KDM6A: variants seen among roughly 807,000 people sequenced by gnomAD.
The protein encoded by KDM6A is lysine demethylase 6A, also known as lysine-specific demethylase 6A.
In KDM6A, 11 loss-of-function variants were observed where a neutral mutation model predicts 117.6. The ratio of observed to expected loss-of-function variants is 0.09; its 90% confidence interval spans 0.06 to 0.15. KDM6A has a LOEUF of 0.15. KDM6A is among the 10% of genes least tolerant of loss of function. The pLI, the probability that KDM6A is intolerant of heterozygous loss-of-function variation, is 1.00. For synonymous variants in KDM6A, 384 were observed against 396.1 expected (o/e 0.97, Z 0.36); for missense variants, 799 against 1,077.3 (o/e 0.74, Z 3.62).
chrX:44,958,000 A>C (rs985208338), intron 2 of KDM6A, among the ~76,000 whole-genome samples: 11 of 111,032 alleles, frequency 9.9e-5, no homozygotes, highest in Non-Finnish European at 1.7e-4. Context: ...CTCAATAACC[A>C]CATGTGTCTA....
chrX:45,095,975 C>T (rs2046087518), intron 27 of KDM6A, among the ~76,000 whole-genome samples: 1 of 112,014 alleles, frequency 8.9e-6, no homozygotes, highest in Non-Finnish European at 1.9e-5. Flanking sequence ...ATTTTTACCA[C>T]TCCATTTGCT....
chrX:44,913,150 G>A lies in KDM6A; in HGVS notation c.225+39163G>A, dbSNP rs890401542. Among the ~76,000 whole-genome samples the A allele has an allele frequency of 2.2e-4, 25 of 111,797 alleles. No individual in the cohort carries two copies. In the Admixed American group the frequency reaches 2.4e-3, roughly 11 times the overall value. Reference sequence around the variant, plus strand: ...TCCTCCTCTTCAAAATGGAGATGACGATGATGAAGACCTTTATGGTGATCC... The same window carrying A: ...TCCTCCTCTTCAAAATGGAGATGACAATGATGAAGACCTTTATGGTGATCC... On this transcript the variant is annotated intron_variant, in intron 2 of 29. Coordinates refer to ENST00000611820, the MANE Select transcript of KDM6A (RefSeq NM_001291415.2).
At chrX:44,987,245 T>G (rs1191297237) in intron 4 of KDM6A, among the ~76,000 whole-genome samples, 1 of 111,601 alleles carries the variant, frequency 9.0e-6, no homozygotes, top group Non-Finnish European at 1.9e-5. Context: ...CCTTTTTTTG[T>G]TTTCCATTTG....
At chrX:45,039,252 CTA>C (rs1048682715) in intron 8 of KDM6A, among the ~76,000 whole-genome samples, 95 of 109,384 alleles carry the variant, frequency 8.7e-4, no homozygotes, top group Middle Eastern at 4.6e-3. Context: ...ACCCCATACT[CTA>C]GTTTTTCTAG....
Position 44,978,352 on chromosome X carries a change from A to G in KDM6A, c.384+3637A>G, listed in dbSNP as rs147708531. Among the ~76,000 whole-genome samples, 20 of 112,186 alleles carry G rather than the reference A, an allele frequency of 1.8e-4. No homozygotes were observed. In the East Asian group the frequency reaches 5.6e-3, roughly 31 times the overall value. ...GAGATGTTGCCTTAATTGTATACTA[A>G]ATATTCATATGCAGTTTTGTCTGTG... On this transcript the variant is annotated intron_variant, in intron 4 of 29. Coordinates refer to ENST00000611820, the MANE Select transcript of KDM6A (RefSeq NM_001291415.2).
chrX:45,063,822 TAGG>T lies in KDM6A; in HGVS notation c.2079+10_2079+12del, dbSNP rs1177394697. ...CAACTATCTAACTCCACTCAGGTAA[TAGG>T]AGGACTAGCTTCCTTGTTGGCTTTT... is the stretch of plus-strand genomic sequence containing the variant. On this transcript the variant is annotated splice_donor_region_variant and intron_variant, in intron 17 of 29. Transcript: ENST00000611820. 2 of 1,182,452 alleles carry T rather than the reference TAGG, an allele frequency of 1.7e-6. No individual in the cohort carries two copies. Among genetic ancestry groups the T allele is most frequent in the Admixed American group, 4.7e-5 (2 of 42,848 alleles).
chrX:44,873,478 G>A lies in KDM6A; in HGVS notation c.-74G>A. 5.0e-6 allele frequency: 6 copies of A among 1,188,216 alleles called. No homozygotes were observed. Among genetic ancestry groups the A allele is most frequent in the Non-Finnish European group, 6.8e-6 (6 of 876,563 alleles). On this transcript the variant is annotated 5_prime_UTR_variant, in exon 1 of 30. Coordinates refer to ENST00000611820, the MANE Select transcript of KDM6A (RefSeq NM_001291415.2). ...AGTTGGTGTGCTGGTCCCGCGCGCA[G>A]ATTGGGGGCGTCACTGCGGGCCCCG...
At chrX:44,918,746 A>G (rs945859626) in intron 2 of KDM6A, among the ~76,000 whole-genome samples, 1 of 111,801 alleles carries the variant, frequency 8.9e-6, no homozygotes, top group Non-Finnish European at 1.9e-5. Context: ...TTGTAAGGAA[A>G]TACAGTTGAA....
intron 2 of KDM6A, among the ~76,000 whole-genome samples, chrX:44,880,562 G>A (rs1438705481): frequency 1.8e-5 from 2 of 108,476 alleles, no homozygotes; most frequent in African/African-American, 3.4e-5. Context: ...AGACTGAGGC[G>A]GATGGATCAA....
intron 4 of KDM6A, among the ~76,000 whole-genome samples, chrX:44,987,066 A>C (rs904105576): frequency 1.8e-5 from 2 of 111,354 alleles, no homozygotes; most frequent in African/African-American, 6.5e-5. Flanking sequence ...GTAGGTCTCT[A>C]AGGACTTGCT....
chrX:45,022,813 T>G (rs1335041351), intron 6 of KDM6A, among the ~76,000 whole-genome samples: 1 of 111,797 alleles, frequency 8.9e-6, no homozygotes, highest in Non-Finnish European at 1.9e-5. Context: ...GTTAAAATAA[T>G]AAAAAATATG....
At chrX:44,883,429 G>A (rs2032509085) in intron 2 of KDM6A, among the ~76,000 whole-genome samples, 1 of 110,093 alleles carries the variant, frequency 9.1e-6, no homozygotes, top group South Asian at 3.9e-4. Flanking sequence ...CTGGAGTGCA[G>A]TGGTGTGATC....
chrX:44,993,552 T>G (rs775138113), intron 4 of KDM6A, among the ~76,000 whole-genome samples: 16 of 110,820 alleles, frequency 1.4e-4, no homozygotes, highest in Non-Finnish European at 2.5e-4. Flanking sequence ...CTGGATAGTT[T>G]TAAAAAGTTG....
At chrX:44,898,369 G>C (rs992008818) in intron 2 of KDM6A, among the ~76,000 whole-genome samples, 2 of 111,890 alleles carry the variant, frequency 1.8e-5, no homozygotes, top group Non-Finnish European at 3.8e-5. Flanking sequence ...TGGAGGTTCA[G>C]CTCTTCACTG....
intron 2 of KDM6A, among the ~76,000 whole-genome samples, chrX:44,897,630 G>A (rs1467821868): frequency 1.8e-5 from 2 of 111,590 alleles, no homozygotes; most frequent in African/African-American, 6.5e-5. Flanking sequence ...GTGCAGTGAT[G>A]TGATCATAGC....
rs1010465212 is a variant in KDM6A at position 44,894,029 on chromosome X, C to T, written c.225+20042C>T. Reference sequence around the variant, plus strand: ...CTTCTTTGTGTACATTGTTGGATTACATTTGCTAATATTTTGTTGAGAATT... The same window carrying T: ...CTTCTTTGTGTACATTGTTGGATTATATTTGCTAATATTTTGTTGAGAATT... On this transcript the variant is annotated intron_variant, in intron 2 of 29. Coordinates refer to ENST00000611820, the MANE Select transcript of KDM6A (RefSeq NM_001291415.2). Among the ~76,000 whole-genome samples the T allele has an allele frequency of 2.7e-5, 3 of 111,753 alleles. No homozygotes were observed. In the East Asian group the frequency reaches 8.4e-4, roughly 31 times the overall value.
At chrX:44,977,439 TG>T (rs2039670998) in intron 4 of KDM6A, among the ~76,000 whole-genome samples, 1 of 110,613 alleles carries the variant, frequency 9.0e-6, no homozygotes, top group African/African-American at 3.3e-5. Flanking sequence ...GTTTTTTTTT[TG>T]CAGAAATAGA....
chrX:45,044,047 G>A (rs771319557), intron 8 of KDM6A, among the ~76,000 whole-genome samples: 10 of 111,815 alleles, frequency 8.9e-5, no homozygotes, highest in Non-Finnish European at 1.7e-4. Flanking sequence ...ATGCTGTACA[G>A]GTTTGTAGTC....
At chrX:44,904,667 C>CACTGT (rs1478351654) in intron 2 of KDM6A, among the ~76,000 whole-genome samples, 1 of 111,820 alleles carries the variant, frequency 8.9e-6, no homozygotes, top group Admixed American at 9.5e-5. Flanking sequence ...AACATTTATA[C>CACTGT]AGGTGAATTT....
Sources: allele counts gnomAD v4.1 joint callset (sites outside exome capture counted in the v4.1 genomes callset), GRCh38; gene constraint gnomAD v4.1.1; transcripts MANE v1.5; gene names NCBI Gene and HGNC (gene_info 2026-07-23, HGNC 2026-07-21).